Variants in ZNF804A observed in about 807,000 individuals in gnomAD.
ZNF804A encodes the protein zinc finger protein 804A.
Under a neutral mutation model 16.5 loss-of-function variants are expected in ZNF804A, and 2 were observed. The observed-to-expected ratio is 0.12, with a 90% confidence interval of 0.05 to 0.38. ZNF804A has a LOEUF of 0.38. Among genes scored for constraint, ZNF804A ranks in the 10% least tolerant of loss-of-function variants. The pLI, the probability that ZNF804A is intolerant of heterozygous loss-of-function variation, is 0.99. For synonymous variants in ZNF804A, 534 were observed against 489.6 expected (o/e 1.09, Z -1.20); for missense variants, 1,473 against 1,390.7 (o/e 1.06, Z -0.94).
At chr2:184,806,405 A>T (rs1694802142) in intron 1 of ZNF804A, among the ~76,000 whole-genome samples, 1 of 151,936 alleles carries the variant, frequency 6.6e-6, no homozygotes, top group African/African-American at 2.4e-5. Context: ...TTTAATTTGG[A>T]TATAAACATT....
At chr2:184,727,020 A>T (rs1476632192) in intron 1 of ZNF804A, among the ~76,000 whole-genome samples, 1 of 151,640 alleles carries the variant, frequency 6.6e-6, no homozygotes, top group Non-Finnish European at 1.5e-5. Context: ...TCTCCTTGGT[A>T]ATTTAACCAA....
intron 1 of ZNF804A, among the ~76,000 whole-genome samples, chr2:184,643,415 T>C (rs1423544235): frequency 6.6e-6 from 1 of 152,010 alleles, no homozygotes; most frequent in East Asian, 1.9e-4. Flanking sequence ...ATGTACAATA[T>C]ACTTGATAAA....
intron 1 of ZNF804A, among the ~76,000 whole-genome samples, chr2:184,764,184 T>TA (rs2105764923): frequency 6.6e-6 from 1 of 151,876 alleles, no homozygotes; most frequent in African/African-American, 2.4e-5. Flanking sequence ...CATAAAAACA[T>TA]AAAAATTATG....
intron 1 of ZNF804A, among the ~76,000 whole-genome samples, chr2:184,781,739 A>G (rs1305701365): frequency 6.6e-6 from 1 of 151,728 alleles, no homozygotes; most frequent in Non-Finnish European, 1.5e-5. Context: ...ACTTTTTTGC[A>G]TCATCTTTGT....
At chr2:184,816,968 G>T (rs1318979912) in intron 1 of ZNF804A, among the ~76,000 whole-genome samples, 1 of 151,934 alleles carries the variant, frequency 6.6e-6, no homozygotes, top group Admixed American at 6.6e-5. Context: ...TATATCTTAA[G>T]TACTTCAGCC....
At position 184,651,760 on chromosome 2, in the gene ZNF804A, G is replaced by A. The variant is rs532248821; in HGVS notation, c.111+52690G>A. ...ATGAGATACCATCTCACACTACTCA[G>A]AATAAGTATTATCAATAATTCAAAA... On this transcript the variant is annotated intron_variant, in intron 1 of 3. Coordinates refer to ENST00000302277, the MANE Select transcript of ZNF804A (RefSeq NM_194250.2). 3.9e-5 allele frequency among the ~76,000 whole-genome samples: 6 copies of A among 152,126 alleles called. No homozygotes were observed. In the South Asian group the frequency reaches 1.2e-3, roughly 32 times the overall value.
chr2:184,635,875 C>T lies in ZNF804A; in HGVS notation c.111+36805C>T, dbSNP rs995472251. Among the ~76,000 whole-genome samples, 5 of 151,900 alleles carry T rather than the reference C, an allele frequency of 3.3e-5. No homozygotes were observed. The East Asian group carries it at 9.6e-4, about 29-fold the overall frequency. ...TAGATAATGATATGTTAAGGAAATACCAAGAAAGATTGTTAATTTGCATCT... is the reference window on the plus strand; with the variant it reads ...TAGATAATGATATGTTAAGGAAATATCAAGAAAGATTGTTAATTTGCATCT... On this transcript the variant is annotated intron_variant, in intron 1 of 3. Coordinates refer to ENST00000302277, the MANE Select transcript of ZNF804A (RefSeq NM_194250.2).
At chr2:184,686,501 A>C (rs1386837530) in intron 1 of ZNF804A, among the ~76,000 whole-genome samples, 2 of 152,242 alleles carry the variant, frequency 1.3e-5, no homozygotes, top group East Asian at 3.9e-4. Flanking sequence ...CACAACAGTG[A>C]ACATATGAGT....
chr2:184,668,017 T>A (rs180995645), intron 1 of ZNF804A, among the ~76,000 whole-genome samples: 1,763 of 151,916 alleles, frequency 0.012, 30 homozygotes, highest in African/African-American at 0.04. Context: ...AGTTCAAGTT[T>A]TTTTTTAAAA....
intron 1 of ZNF804A, among the ~76,000 whole-genome samples, chr2:184,773,786 C>A (rs1694251113): frequency 6.6e-6 from 1 of 151,680 alleles, no homozygotes. Context: ...CCTGTTCTCC[C>A]AAAATCCATT....
chr2:184,701,816 G>T (rs17430890), intron 1 of ZNF804A, among the ~76,000 whole-genome samples: 3,013 of 151,996 alleles, frequency 0.02, 63 homozygotes, highest in South Asian at 0.054. Context: ...TTAACTGAGT[G>T]TTGTTTTAAG....
chr2:184,768,470 T>G (rs1434422768), intron 1 of ZNF804A, among the ~76,000 whole-genome samples: 1 of 152,120 alleles, frequency 6.6e-6, no homozygotes. Context: ...AGATGAAATT[T>G]AATTTCAAAG....
chr2:184,911,450 C>T lies in ZNF804A; in HGVS notation c.256-22153C>T, dbSNP rs146562114. Among the ~76,000 whole-genome samples, 191 of 151,964 alleles carry T rather than the reference C, an allele frequency of 1.3e-3. 1 individual carries two copies. Among genetic ancestry groups the T allele is most frequent in the Admixed American group, 4.2e-3 (64 of 15,238 alleles). On this transcript the variant is annotated intron_variant, in intron 2 of 3. Coordinates refer to ENST00000302277, the MANE Select transcript of ZNF804A (RefSeq NM_194250.2). ...TTTGCTTAAGATTGTTTTGGCTATT[C>T]GGGCTCTTTTTTGGTTCCTTATCCA...
Position 184,935,936 on chromosome 2 carries a change from T to C in ZNF804A, c.540T>C (p.Ala180=). Residue 180 remains alanine, a synonymous_variant, in exon 4 of 4, where the codon GCT becomes GCC. Transcript: ENST00000302277. ...LIHSEENTKD[A]TTVAEDPESA... ...ATAGTGAAGAGAATACTAAAGATGC[T>C]ACCACTGTTGCTGAAGATCCAGAAA... 1 of 1,613,966 alleles carries C rather than the reference T, an allele frequency of 6.2e-7. No homozygotes were observed.
At chr2:184,698,963 T>C (rs1468792052) in intron 1 of ZNF804A, among the ~76,000 whole-genome samples, 1 of 152,036 alleles carries the variant, frequency 6.6e-6, no homozygotes, top group Non-Finnish European at 1.5e-5. Flanking sequence ...GCAGGGAAGA[T>C]TAATTTACTG....
intron 2 of ZNF804A, among the ~76,000 whole-genome samples, chr2:184,913,417 A>C (rs1382804710): frequency 6.6e-6 from 1 of 152,102 alleles, no homozygotes; most frequent in African/African-American, 2.4e-5. Flanking sequence ...TTCAGCCTGA[A>C]TGGCTTCTCT....
At chr2:184,751,934 C>T (rs1693883599) in intron 1 of ZNF804A, among the ~76,000 whole-genome samples, 2 of 151,632 alleles carry the variant, frequency 1.3e-5, no homozygotes, top group Non-Finnish European at 3.0e-5. Context: ...AATGAGATAT[C>T]ATGTTACATC....
At chr2:184,761,812 C>G (rs1464672097) in intron 1 of ZNF804A, among the ~76,000 whole-genome samples, 1 of 152,130 alleles carries the variant, frequency 6.6e-6, no homozygotes, top group Non-Finnish European at 1.5e-5. Flanking sequence ...AAGATCATGT[C>G]TATTAAATAG....
At chr2:184,763,540 T>A (rs775365487) in intron 1 of ZNF804A, among the ~76,000 whole-genome samples, 2 of 151,116 alleles carry the variant, frequency 1.3e-5, no homozygotes, top group Non-Finnish European at 3.0e-5. Flanking sequence ...AACCCACCAT[T>A]ATGAAGGCCA....
Sources: gnomAD v4.1 joint callset for allele counts (sites outside exome capture counted in the v4.1 genomes callset) on GRCh38, gnomAD v4.1.1 for gene constraint, MANE v1.5 for transcripts, NCBI Gene and HGNC (gene_info 2026-07-23, HGNC 2026-07-21) for gene names.